The following TMEM132D variants were observed in gnomAD, a reference collection of about 807,000 sequenced individuals.
TMEM132D encodes transmembrane protein 132D, also known as mature OL transmembrane protein.
TMEM132D carries 21 observed loss-of-function variants against 62.3 expected under a neutral mutation model. That is an observed-to-expected ratio of 0.34 (90% CI 0.24 to 0.49). The LOEUF (loss-of-function observed/expected upper bound fraction) is 0.49, where lower values mean the gene tolerates loss of function less well. TMEM132D is among the 20% of genes least tolerant of loss of function. The pLI is 0.99. For missense variants in TMEM132D, 1,346 were observed against 1,402.8 expected (o/e 0.96, Z 0.65); for synonymous variants, 621 against 575.6 (o/e 1.08, Z -1.13).
At chr12:129,166,858 C>T (rs554852970) in intron 5 of TMEM132D, among the ~76,000 whole-genome samples, 1 of 151,938 alleles carries the variant, frequency 6.6e-6, no homozygotes, top group South Asian at 2.1e-4. Context: ...TGGGCTAGCT[C>T]AGCATCTTAG....
intron 1 of TMEM132D, among the ~76,000 whole-genome samples, chr12:129,725,946 C>T (rs2167511): frequency 0.82 from 124,204 of 152,154 alleles, 51,385 homozygotes; most frequent in Non-Finnish European, 0.9. Flanking sequence ...TCTATGCAGA[C>T]GCAGGTCCAG....
chr12:129,108,796 A>G lies in TMEM132D; in HGVS notation c.1444-24094T>C, dbSNP rs142952364. The stretch of plus-strand genomic sequence containing the variant: ...ATTGTTTGAAGACTTTATTATGAAA[A>G]ATGTTAACCAAAGAGAAAGATAAAT... On this transcript the variant is annotated intron_variant, in intron 5 of 8. Coordinates refer to ENST00000422113, the MANE Select transcript of TMEM132D (RefSeq NM_133448.3). Among the ~76,000 whole-genome samples the G allele has an allele frequency of 3.4e-3, 514 of 152,312 alleles. 1 individual carries two copies. The highest frequency in any genetic ancestry group is 0.011 in the African/African-American group (476 of 41,558).
At chr12:129,458,020 C>T (rs1024140718) in intron 3 of TMEM132D, among the ~76,000 whole-genome samples, 4 of 152,192 alleles carry the variant, frequency 2.6e-5, no homozygotes, top group Non-Finnish European at 4.4e-5. Context: ...CACCTACCCA[C>T]GGGCACTTCC....
chr12:129,880,812 G>A (rs1228698863), intron 1 of TMEM132D, among the ~76,000 whole-genome samples: 1 of 150,676 alleles, frequency 6.6e-6, no homozygotes, highest in Middle Eastern at 3.2e-3. Context: ...ATGCCAGAAG[G>A]CCACAAAGAA....
chr12:129,201,908 T>C (rs961151748), intron 5 of TMEM132D, among the ~76,000 whole-genome samples: 1 of 152,042 alleles, frequency 6.6e-6, no homozygotes, highest in African/African-American at 2.4e-5. Context: ...TTTTTTAACT[T>C]GTTGATGTAG....
At chr12:129,378,971 G>T (rs116113019) in intron 3 of TMEM132D, among the ~76,000 whole-genome samples, 50 of 151,494 alleles carry the variant, frequency 3.3e-4, no homozygotes, top group Non-Finnish European at 6.9e-4. Context: ...ACTCAGGAAG[G>T]GGGGGACACT....
At chr12:129,356,970 G>A (rs1870083025) in intron 3 of TMEM132D, among the ~76,000 whole-genome samples, 1 of 151,424 alleles carries the variant, frequency 6.6e-6, no homozygotes, top group African/African-American at 2.4e-5. Context: ...GGCAAGGCCG[G>A]GCCTGATGGC....
intron 4 of TMEM132D, among the ~76,000 whole-genome samples, chr12:129,330,351 G>A (rs1028686999): frequency 6.6e-6 from 1 of 152,198 alleles, no homozygotes; most frequent in Non-Finnish European, 1.5e-5. Flanking sequence ...AAGGCTTGGA[G>A]ATTGGACAGG....
chr12:129,656,359 C>G (rs1053208333), intron 2 of TMEM132D, among the ~76,000 whole-genome samples: 2 of 151,976 alleles, frequency 1.3e-5, no homozygotes, highest in Non-Finnish European at 2.9e-5. Context: ...TCCCCCTGGC[C>G]CTGTGGAATC....
intron 1 of TMEM132D, among the ~76,000 whole-genome samples, chr12:129,884,174 C>T (rs1231053959): frequency 2.6e-5 from 4 of 152,012 alleles, no homozygotes. Context: ...ATGGAAAAAG[C>T]ACAAAAAAGA....
chr12:129,306,494 T>C (rs988797534), intron 4 of TMEM132D, among the ~76,000 whole-genome samples: 2 of 152,218 alleles, frequency 1.3e-5, no homozygotes, highest in Admixed American at 6.5e-5. Flanking sequence ...AGTTCAAATA[T>C]GTTCTCCCAG....
At chr12:129,734,192 A>G (rs1869344624) in intron 1 of TMEM132D, among the ~76,000 whole-genome samples, 1 of 152,204 alleles carries the variant, frequency 6.6e-6, no homozygotes, top group African/African-American at 2.4e-5. Context: ...TGTCTTGCCC[A>G]TGCCAATCAT....
At chr12:129,860,269 A>G (rs1160388434) in intron 1 of TMEM132D, among the ~76,000 whole-genome samples, 1 of 152,234 alleles carries the variant, frequency 6.6e-6, no homozygotes, top group Non-Finnish European at 1.5e-5. Context: ...ATGCTAGAAC[A>G]TTCGACAAGT....
intron 1 of TMEM132D, among the ~76,000 whole-genome samples, chr12:129,875,097 G>A (rs919299756): frequency 2.6e-5 from 4 of 152,362 alleles, no homozygotes; most frequent in Middle Eastern, 3.4e-3. Flanking sequence ...TACAGACATC[G>A]GCTTACATGT....
chr12:129,296,660 T>C (rs1881586208), intron 4 of TMEM132D, among the ~76,000 whole-genome samples: 2 of 152,158 alleles, frequency 1.3e-5, no homozygotes. Flanking sequence ...TAAAGAGAGA[T>C]GAAGTGCCAG....
chr12:129,327,664 T>C (rs1010115348), intron 4 of TMEM132D, among the ~76,000 whole-genome samples: 3 of 152,202 alleles, frequency 2.0e-5, no homozygotes, highest in African/African-American at 7.2e-5. Flanking sequence ...AAATACATCC[T>C]GACACCTTCC....
intron 1 of TMEM132D, among the ~76,000 whole-genome samples, chr12:129,811,294 C>T (rs1033521464): frequency 2.0e-5 from 3 of 151,592 alleles, no homozygotes; most frequent in East Asian, 2.0e-4. Flanking sequence ...GGGGTGGGCT[C>T]GGTCCTGCCT....
intron 3 of TMEM132D, among the ~76,000 whole-genome samples, chr12:129,340,739 G>T (rs894770508): frequency 6.6e-6 from 1 of 152,068 alleles, no homozygotes; most frequent in African/African-American, 2.4e-5. Context: ...CCATTACTGG[G>T]TATATACCCA....
At chr12:129,628,991 CT>C (rs1565928827) in intron 2 of TMEM132D, among the ~76,000 whole-genome samples, 3 of 151,590 alleles carry the variant, frequency 2.0e-5, no homozygotes, top group Non-Finnish European at 2.9e-5. Context: ...CTCTCTGCCC[CT>C]CTGTCTCTCT....
Sources: allele counts gnomAD v4.1 joint callset (sites outside exome capture counted in the v4.1 genomes callset), GRCh38; gene constraint gnomAD v4.1.1; transcripts MANE v1.5; gene names NCBI Gene and HGNC (gene_info 2026-07-23, HGNC 2026-07-21).